Variants in ORC3 observed in about 807,000 individuals in gnomAD.
ORC3 encodes the protein origin recognition complex subunit 3.
In ORC3, 78 loss-of-function variants were observed where a neutral mutation model predicts 100.7. The ratio of observed to expected loss-of-function variants is 0.77; its 90% confidence interval spans 0.65 to 0.94. ORC3 has a LOEUF of 0.94. ORC3 is among the 40% of genes least tolerant of loss of function. ORC3 has a pLI of 0.00. For synonymous variants in ORC3, 295 were observed against 289.3 expected, an observed-to-expected ratio of 1.02 and a Z score of -0.20; for missense variants, 789 against 823.9, an observed-to-expected ratio of 0.96 and a Z score of 0.52.
At chr6:87,651,028 A>C in intron 13 of ORC3, 2 of 372,296 alleles carry the variant, frequency 5.4e-6, no homozygotes, top group South Asian at 2.0e-5. Flanking sequence ...CAAAAAAAGA[A>C]TAAGAGGACT....
the ORC3 span, among the ~76,000 whole-genome samples, chr6:87,673,137 T>C: frequency 7.1e-6 from 1 of 141,194 alleles, no homozygotes. Context: ...AATTTGGCTG[T>C]GGAGCAAAAA....
intron 11 of ORC3, among the ~76,000 whole-genome samples, chr6:87,625,862 T>C (rs1299923447): frequency 5.9e-5 from 9 of 152,192 alleles, no homozygotes; most frequent in Non-Finnish European, 4.4e-5. Context: ...ATGATTTTTT[T>C]ATAAGGTTAA....
chr6:87,675,882 T>A, the ORC3 span: 1 of 1,613,888 alleles, frequency 6.2e-7, no homozygotes, highest in Non-Finnish European at 8.5e-7. Flanking sequence ...GTTCTCCATA[T>A]CGTCGCATTA....
At chr6:87,604,162 C>A (rs1339619185) in intron 4 of ORC3, among the ~76,000 whole-genome samples, 2 of 152,188 alleles carry the variant, frequency 1.3e-5, no homozygotes, top group East Asian at 3.8e-4. Flanking sequence ...TTTCTTCATT[C>A]CCTTTGAAAA....
At chr6:87,660,878 C>T (rs7754870) in intron 16 of ORC3, among the ~76,000 whole-genome samples, 5,336 of 152,250 alleles carry the variant, frequency 0.035, 316 homozygotes, top group African/African-American at 0.12. Context: ...TCCAAGTCTG[C>T]AGTCAGATAA....
At chr6:87,623,746 T>C (rs1025046659) in intron 11 of ORC3, among the ~76,000 whole-genome samples, 3 of 152,068 alleles carry the variant, frequency 2.0e-5, no homozygotes, top group African/African-American at 7.2e-5. Context: ...TAGCTGGGCG[T>C]GGTAGCGCAT....
At chr6:87,632,019 C>T (rs1384442268) in intron 11 of ORC3, among the ~76,000 whole-genome samples, 1 of 151,976 alleles carries the variant, frequency 6.6e-6, no homozygotes, top group Non-Finnish European at 1.5e-5. Context: ...AAAAAATTAA[C>T]CAGGCATTAT....
At chr6:87,595,011 A>C (rs562943887) in intron 2 of ORC3, among the ~76,000 whole-genome samples, 3 of 152,358 alleles carry the variant, frequency 2.0e-5, no homozygotes, top group East Asian at 3.8e-4. Context: ...TAAACTTGGC[A>C]AAATAAATTA....
At chr6:87,646,700 C>T (rs147013602) in intron 13 of ORC3, among the ~76,000 whole-genome samples, 10 of 152,322 alleles carry the variant, frequency 6.6e-5, no homozygotes, top group African/African-American at 2.2e-4. Context: ...TCTCCTACCT[C>T]AGTATATGCT....
At position 87,653,241 on chromosome 6, in the gene ORC3, G is replaced by A. The variant is rs146268634; in HGVS notation, c.1508G>A (p.Ser503Asn). ...RIEEFLAQFQ[S>N]LDETKEEEDA... is the part of the protein sequence containing the mutation. Reference sequence around the variant, plus strand: ...GAGGAGTTCCTGGCCCAGTTTCAGAGCCTCGATGGTAAGAGTGTAATATCC... The same window carrying A: ...GAGGAGTTCCTGGCCCAGTTTCAGAACCTCGATGGTAAGAGTGTAATATCC... The change falls in exon 14 of 20, where the codon AGC becomes AAC. Residue 503 changes from serine to asparagine, a missense_variant. Ser to Asn is a conservative substitution (Grantham distance 46). Around this residue, in one of 3 missense-constraint regions of ORC3, gnomAD observed 366 missense variants for 394.2 expected, o/e 0.93. Transcript: ENST00000392844. The A allele has an allele frequency of 1.9e-6, 3 of 1,613,342 alleles. No individual in the cohort carries two copies. The highest frequency in any genetic ancestry group is 2.7e-5 in the African/African-American group (2 of 74,876).
the ORC3 span, chr6:87,675,267 A>G: frequency 3.0e-6 from 1 of 338,880 alleles, no homozygotes; most frequent in Admixed American, 4.3e-5. Flanking sequence ...GTCATTCTAC[A>G]GTTTTATTTA....
intron 13 of ORC3, among the ~76,000 whole-genome samples, chr6:87,643,996 TCTC>T (rs1481097890): frequency 6.6e-6 from 1 of 151,532 alleles, no homozygotes; most frequent in Non-Finnish European, 1.5e-5. Flanking sequence ...TACGGTCTCT[TCTC>T]CTACCCCCCA....
chr6:87,627,754 A>G (rs183405666), intron 11 of ORC3, among the ~76,000 whole-genome samples: 2 of 152,302 alleles, frequency 1.3e-5, no homozygotes. Context: ...TCTATATTCA[A>G]GTGTCTAAGA....
In ORC3 at chr6:87,603,390, C is replaced by T; in HGVS notation, c.184C>T (p.Gln62Ter). The T allele has an allele frequency of 6.8e-7, 1 of 1,476,278 alleles. No homozygotes were observed. The highest frequency in any genetic ancestry group is 1.4e-5 in the South Asian group (1 of 70,648). The allele number at this position is 1,476,278 out of a possible 1,614,324, so 91.4% of individuals were successfully genotyped here. ...QQMKSENERL[Q>*]EELNKNLFDN... ...TTTTGTGTGTTCTTTGTAGCGACTA[C>T]AAGAGGAATTAAATAAAAACTTGTT... Residue 62 changes from glutamine to a stop codon, truncating the protein, a stop_gained, in exon 4 of 20, where the codon CAA becomes TAA. Transcript: ENST00000392844. LOFTEE classifies it high-confidence loss of function.
At chr6:87,648,303 C>T (rs1768962398) in intron 13 of ORC3, among the ~76,000 whole-genome samples, 1 of 152,176 alleles carries the variant, frequency 6.6e-6, no homozygotes, top group Admixed American at 6.5e-5. Flanking sequence ...GATATTACCC[C>T]TTGTATTATA....
intron 8 of ORC3, among the ~76,000 whole-genome samples, chr6:87,613,697 A>C (rs1356867268): frequency 6.6e-6 from 1 of 152,170 alleles, no homozygotes; most frequent in Non-Finnish European, 1.5e-5. Context: ...AAAACAAAGG[A>C]GTTACAGGCC....
At position 87,621,525 on chromosome 6, in the gene ORC3, A is replaced by T. The variant is rs746059847; in HGVS notation, c.1121+38A>T. 1.2e-5 allele frequency: 17 copies of T among 1,421,762 alleles called. No homozygotes were observed. In the South Asian group the frequency reaches 2.3e-4, roughly 19 times the overall value. The allele number at this position is 1,421,762 out of a possible 1,614,324, so 88.1% of individuals were successfully genotyped here. A position where few individuals can be genotyped will look rare whatever the true frequency, so the allele number is the denominator to read the frequency against. On this transcript the variant is annotated intron_variant, in intron 10 of 19. Coordinates refer to ENST00000392844, the MANE Select transcript of ORC3 (RefSeq NM_012381.4). ...GTACATGTTTAACACATACTATACT[A>T]GAATTTGGTACTAAATAAGAGATCT...
the ORC3 span, among the ~76,000 whole-genome samples, chr6:87,673,656 C>A: frequency 1.3e-5 from 2 of 151,948 alleles, no homozygotes; most frequent in Admixed American, 1.3e-4. Context: ...TCCTGGCCAA[C>A]ATGGTGAAAC....
chr6:87,602,905 TTATATATTA>T (rs36207534), intron 3 of ORC3, among the ~76,000 whole-genome samples: 45,205 of 132,996 alleles, frequency 0.34, 7,931 homozygotes, highest in Admixed American at 0.44. Flanking sequence ...CATATATATA[TTATATATTA>T]TATATATATA....
Sources: allele counts gnomAD v4.1 joint callset (sites outside exome capture counted in the v4.1 genomes callset), GRCh38; gene constraint gnomAD v4.1.1; regional missense constraint gnomAD v4.1.1; transcripts MANE v1.5; gene names NCBI Gene and HGNC (gene_info 2026-07-23, HGNC 2026-07-21).